The following CYSTM1 variants were observed in gnomAD, a reference collection of about 807,000 sequenced individuals.
CYSTM1 encodes cysteine rich transmembrane module containing 1.
Under a neutral mutation model 13.1 loss-of-function variants are expected in CYSTM1, and 4 were observed. The ratio of observed to expected loss-of-function variants is 0.31; its 90% CI spans 0.15 to 0.70. The LOEUF (loss-of-function observed/expected upper bound fraction) is 0.70. Among genes scored for constraint, CYSTM1 ranks in the 30% least tolerant of loss-of-function variants. The probability of loss-of-function intolerance (pLI) is 0.72; values close to 1 mark genes in which losing one functional copy is unlikely to be tolerated. For synonymous variants in CYSTM1, 36 were observed against 42.7 expected, an observed-to-expected ratio of 0.84 and a Z score of 0.62; for missense variants, 96 against 121.6, an observed-to-expected ratio of 0.79 and a Z score of 0.99.
At chr5:140,217,747 C>T (rs770926107) in intron 2 of CYSTM1, among the ~76,000 whole-genome samples, 3 of 152,162 alleles carry the variant, frequency 2.0e-5, no homozygotes, top group Non-Finnish European at 2.9e-5. Flanking sequence ...GTGTCACCAG[C>T]TAAGCCCATA....
chr5:140,218,143 C>A (rs905612947), intron 2 of CYSTM1, among the ~76,000 whole-genome samples: 1 of 152,098 alleles, frequency 6.6e-6, no homozygotes, highest in East Asian at 1.9e-4. Flanking sequence ...GGAGGCAGTA[C>A]CCCTGGCCCT....
intron 2 of CYSTM1, among the ~76,000 whole-genome samples, chr5:140,203,656 C>T (rs1029755691): frequency 3.3e-5 from 5 of 152,140 alleles, no homozygotes; most frequent in African/African-American, 1.2e-4. Flanking sequence ...AACACTATAA[C>T]TAGGCTTATA....
intron 2 of CYSTM1, among the ~76,000 whole-genome samples, chr5:140,217,245 G>A (rs1055541844): frequency 2.6e-5 from 4 of 152,110 alleles, no homozygotes; most frequent in African/African-American, 9.7e-5. Flanking sequence ...GGGTAAAAGT[G>A]ACTTTTTGCT....
At chr5:140,202,933 A>G (rs1275607749) in intron 2 of CYSTM1, 2 of 152,060 alleles carry the variant, frequency 1.3e-5, no homozygotes, top group African/African-American at 4.8e-5. Flanking sequence ...TTCCAATGGA[A>G]CCTTGTAATT....
At position 140,239,409 on chromosome 5, in the gene CYSTM1, G is replaced by C. The variant is rs751175628; in HGVS notation, c.188-3896G>C. 3.9e-5 allele frequency among the ~76,000 whole-genome samples: 6 copies of C among 152,192 alleles called. No homozygotes were observed. Among genetic ancestry groups the C allele is most frequent in the Non-Finnish European group, 8.8e-5 (6 of 68,030 alleles). On this transcript the variant is annotated intron_variant, in intron 2 of 2. Transcript: ENST00000261811. This position sits in a 1 kb window ranked among gnomAD's most constrained non-coding sequence, Gnocchi z 5.4. ...TACAATACAGTAGTCCTAGATCCTG[G>C]GACCAAGGGGACTACTGGTTGGTGT...
rs1397048552 is a variant in CYSTM1 at position 140,175,357 on chromosome 5, C to T, written c.-21+72C>T. ...GATCAGGCACGGACAGGGCGCGTCC[C>T]CGGGCTCCCTGGGGAGCGCCCTGAG... On this transcript the variant is annotated intron_variant, in intron 1 of 2. Transcript: ENST00000261811. This position sits in a 1 kb window ranked among gnomAD's most constrained non-coding sequence, Gnocchi z 4.9. The T allele has an allele frequency of 6.6e-6, 1 of 152,536 alleles. No homozygotes were observed. The highest frequency in any genetic ancestry group is 1.9e-4 in the East Asian group (1 of 5,178). The allele number at this position is 152,536 out of a possible 1,614,324, so 9.4% of individuals were successfully genotyped here.
At chr5:140,240,172 A>ACCC (rs56979453) in intron 2 of CYSTM1, among the ~76,000 whole-genome samples, 24 of 150,628 alleles carry the variant, frequency 1.6e-4, no homozygotes, top group African/African-American at 5.9e-4. Flanking sequence ...CCATCCCAGC[A>ACCC]CCCCCCCACT....
chr5:140,198,051 G>A (rs778627005), intron 2 of CYSTM1, among the ~76,000 whole-genome samples: 2 of 152,328 alleles, frequency 1.3e-5, no homozygotes, highest in African/African-American at 4.8e-5. Flanking sequence ...GCAAGTGCTT[G>A]TAGGAATAAG....
chr5:140,218,090 G>T (rs1184520854), intron 2 of CYSTM1, among the ~76,000 whole-genome samples: 1 of 152,166 alleles, frequency 6.6e-6, no homozygotes, highest in Non-Finnish European at 1.5e-5. Flanking sequence ...AGCCGATATG[G>T]TCGGTGTGGT....
chr5:140,210,978 G>A (rs1445458009), intron 2 of CYSTM1, among the ~76,000 whole-genome samples: 1 of 152,172 alleles, frequency 6.6e-6, no homozygotes, highest in Non-Finnish European at 1.5e-5. Flanking sequence ...TGACTGGACA[G>A]GCTGTGTTTC....
intron 1 of CYSTM1, 142 bp from the exon 2 acceptor site, chr5:140,194,304 A>C (rs1229352778): frequency 2.6e-6 from 2 of 763,722 alleles, no homozygotes; most frequent in African/African-American, 3.6e-5. Flanking sequence ...GTGAGAAGGA[A>C]ACAAAATGGG....
chr5:140,194,359 T>C, intron 1 of CYSTM1, 87 bp from the exon 2 acceptor site: 1 of 1,299,284 alleles, frequency 7.7e-7, no homozygotes, highest in Non-Finnish European at 1.0e-6. Flanking sequence ...TTGAAGGTAT[T>C]TTGTAAATGA....
At chr5:140,224,441 C>T (rs572054361) in intron 2 of CYSTM1, among the ~76,000 whole-genome samples, 5 of 151,988 alleles carry the variant, frequency 3.3e-5, no homozygotes, top group Admixed American at 1.3e-4. Context: ...GCCCAGCTGC[C>T]GCAGACTTTC....
intron 1 of CYSTM1, among the ~76,000 whole-genome samples, chr5:140,183,084 T>C (rs1361593568): frequency 1.3e-5 from 2 of 152,168 alleles, no homozygotes; most frequent in African/African-American, 4.8e-5. Context: ...CATCAAGATT[T>C]CAACTTTCCC....
chr5:140,196,022 G>A (rs202022551), intron 2 of CYSTM1, among the ~76,000 whole-genome samples: 8 of 57,228 alleles, frequency 1.4e-4, no homozygotes, highest in African/African-American at 5.9e-4. Context: ...CTAGCCTGGC[G>A]ACAGTGAGAC....
intron 1 of CYSTM1, among the ~76,000 whole-genome samples, chr5:140,189,386 T>G (rs1764063307): frequency 6.6e-6 from 1 of 152,022 alleles, no homozygotes; most frequent in Non-Finnish European, 1.5e-5. Context: ...CCACCATGAT[T>G]GTAAGCTACC....
chr5:140,178,808 C>A (rs80096889), intron 1 of CYSTM1, among the ~76,000 whole-genome samples: 1,628 of 151,996 alleles, frequency 0.011, 17 homozygotes, highest in Non-Finnish European at 0.015. Context: ...TGACATGTTG[C>A]CCAGGCTCCC....
chr5:140,237,049 C>G (rs1764690555), intron 2 of CYSTM1, among the ~76,000 whole-genome samples: 1 of 152,182 alleles, frequency 6.6e-6, no homozygotes, highest in Non-Finnish European at 1.5e-5. Flanking sequence ...CTTGCTCAGG[C>G]TCCTCAGCAG....
At chr5:140,222,103 G>A (rs533776569) in intron 2 of CYSTM1, among the ~76,000 whole-genome samples, 1 of 152,234 alleles carries the variant, frequency 6.6e-6, no homozygotes, top group South Asian at 2.1e-4. Flanking sequence ...GTTGAGCTGG[G>A]CTTTTGGCCT....
Sources: allele counts gnomAD v4.1 joint callset (sites outside exome capture counted in the v4.1 genomes callset), GRCh38; gene constraint gnomAD v4.1.1; non-coding constraint Gnocchi (gnomAD v3.1); transcripts MANE v1.5; gene names NCBI Gene and HGNC (gene_info 2026-07-23, HGNC 2026-07-21).